ABAT: variants seen among roughly 807,000 people sequenced by gnomAD.
ABAT encodes 4-aminobutyrate aminotransferase, mitochondrial.
ABAT carries 45 observed loss-of-function variants against 64.6 expected under a neutral mutation model. The ratio of observed to expected loss-of-function variants is 0.70; its 90% CI spans 0.55 to 0.89. The LOEUF (loss-of-function observed/expected upper bound fraction) is 0.89, where lower values mean the gene tolerates loss of function less well. Ranked by LOEUF, ABAT falls within the 40% of genes least tolerant of loss-of-function variation. The pLI is 0.00. For synonymous variants in ABAT, 297 were observed against 250.5 expected (o/e 1.19, Z -1.75); for missense variants, 633 against 658.4 (o/e 0.96, Z 0.42).
chr16:8,711,735 G>GATGGATGT (rs2058077151), intron 1 of ABAT, among the ~76,000 whole-genome samples: 1 of 61,870 alleles, frequency 1.6e-5, no homozygotes, highest in Non-Finnish European at 3.5e-5. Context: ...AAGATGGATG[G>GATGGATGT]GTGGATGGAT....
chr16:8,686,045 A>G (rs765310848), intron 1 of ABAT, among the ~76,000 whole-genome samples: 1 of 152,206 alleles, frequency 6.6e-6, no homozygotes, highest in Non-Finnish European at 1.5e-5. Flanking sequence ...AGGTTTTAGA[A>G]CGTGGAAGCT....
At chr16:8,750,629 C>A in intron 5 of ABAT, 90 bp downstream of exon 5, 3 of 1,139,972 alleles carry the variant, frequency 2.6e-6, no homozygotes, top group Non-Finnish European at 4.0e-6. Flanking sequence ...TGGCTTCCAG[C>A]AGGCACATCC....
At position 8,781,544 on chromosome 16, in the gene ABAT, GGT is replaced by G. The variant is rs1212270610; in HGVS notation, c.*116_*117del. 44 of 1,477,590 alleles carry G rather than the reference GGT, an allele frequency of 3.0e-5. No individual in the cohort carries two copies. Among genetic ancestry groups the G allele is most frequent in the Non-Finnish European group, 1.9e-6 (2 of 1,074,106 alleles). 91.5% of individuals were successfully genotyped at this position (1,477,590 alleles called of 1,614,324 possible). On this transcript the variant is annotated 3_prime_UTR_variant, in exon 16 of 16. Transcript: ENST00000268251. The surrounding 1 kb of genome is among the most constrained non-coding windows in gnomAD (Gnocchi z 4.5). Reference sequence around the variant, plus strand: ...TATCAGAGGTGAATGCACAGTGAAGGGTGATTTGTGGGGAGGGAGCATTTTTG... The same window carrying G: ...TATCAGAGGTGAATGCACAGTGAAGGGATTTGTGGGGAGGGAGCATTTTTG...
chr16:8,685,677 A>C (rs2057438573), intron 1 of ABAT, among the ~76,000 whole-genome samples: 1 of 152,192 alleles, frequency 6.6e-6, no homozygotes, highest in African/African-American at 2.4e-5. Context: ...CCCTGTCTCA[A>C]AACAAAAACA....
At chr16:8,742,107 G>A (rs1016467234) in intron 2 of ABAT, among the ~76,000 whole-genome samples, 1 of 152,166 alleles carries the variant, frequency 6.6e-6, no homozygotes, top group Admixed American at 6.5e-5. Context: ...CCTGTCCTCA[G>A]CATTCCTGGC....
intron 1 of ABAT, among the ~76,000 whole-genome samples, chr16:8,722,610 T>C (rs575064629): frequency 1.8e-4 from 28 of 151,940 alleles, no homozygotes; most frequent in Admixed American, 9.2e-4. Context: ...ATGGGGGAGA[T>C]TGGGGGTCTC....
At chr16:8,689,252 G>C (rs759476544) in intron 1 of ABAT, among the ~76,000 whole-genome samples, 1 of 152,026 alleles carries the variant, frequency 6.6e-6, no homozygotes, top group African/African-American at 2.4e-5. Context: ...TAGTTCATTT[G>C]GCCCAGTATC....
intron 1 of ABAT, among the ~76,000 whole-genome samples, chr16:8,693,028 A>G (rs1056377828): frequency 6.6e-6 from 1 of 151,998 alleles, no homozygotes; most frequent in African/African-American, 2.4e-5. Flanking sequence ...TAATTTTTGT[A>G]TTTTTAGTAG....
intron 1 of ABAT, among the ~76,000 whole-genome samples, chr16:8,679,133 G>A (rs1423023453): frequency 6.6e-6 from 1 of 152,158 alleles, no homozygotes; most frequent in African/African-American, 2.4e-5. Context: ...GCAGTGAGTT[G>A]TGAGTGAGCC....
At chr16:8,745,559 T>C (rs540147678) in intron 2 of ABAT, among the ~76,000 whole-genome samples, 1 of 151,942 alleles carries the variant, frequency 6.6e-6, no homozygotes, top group East Asian at 1.9e-4. Flanking sequence ...TAGCCAGGCA[T>C]GGTGGTGCGT....
At chr16:8,736,289 A>C in intron 2 of ABAT, 1 of 203,946 alleles carries the variant, frequency 4.9e-6, no homozygotes, top group South Asian at 8.6e-5. Context: ...GAATGAGGAC[A>C]CAGCCAAACC....
At chr16:8,779,267 G>GT (rs2060360140) in intron 14 of ABAT, among the ~76,000 whole-genome samples, 1 of 133,570 alleles carries the variant, frequency 7.5e-6, no homozygotes, top group Middle Eastern at 4.5e-3. Flanking sequence ...TGGTGGTGGT[G>GT]GTTTTTTTCC....
At chr16:8,746,884 A>AGACAGCTCTGTTGG (rs2059348581) in intron 3 of ABAT, among the ~76,000 whole-genome samples, 3 of 152,116 alleles carry the variant, frequency 2.0e-5, no homozygotes, top group East Asian at 1.9e-4. Flanking sequence ...AGCTCTGTTG[A>AGACAGCTCTGTTGG]GCAGACAGCT....
chr16:8,735,819 G>A lies in ABAT; in HGVS notation c.70+10G>A, dbSNP rs553745013. 45 of 1,595,228 alleles carry A rather than the reference G, an allele frequency of 2.8e-5. No homozygotes were observed. Among genetic ancestry groups the A allele is most frequent in the South Asian group, 1.8e-4 (16 of 88,156 alleles). Reference sequence around the variant, plus strand: ...CGCCTGCTGGTGCCTGGTAAGCCCCGGGGGTCTTGATAAGAACTGGTACTA... The same window carrying A: ...CGCCTGCTGGTGCCTGGTAAGCCCCAGGGGTCTTGATAAGAACTGGTACTA... On this transcript the variant is annotated intron_variant, in intron 2 of 15. Coordinates refer to ENST00000268251, the MANE Select transcript of ABAT (RefSeq NM_020686.6).
intron 2 of ABAT, among the ~76,000 whole-genome samples, chr16:8,741,533 C>T (rs2059161354): frequency 6.6e-6 from 1 of 152,108 alleles, no homozygotes; most frequent in Admixed American, 6.5e-5. Flanking sequence ...ATGAGATAAG[C>T]CATGTAAATT....
chr16:8,737,226 C>T lies in ABAT; in HGVS notation c.70+1417C>T, dbSNP rs139648894. On this transcript the variant is annotated intron_variant, in intron 2 of 15. Coordinates refer to ENST00000268251, the MANE Select transcript of ABAT (RefSeq NM_020686.6). ...GGGCGCAGTGGCTCACAACTGTAAT[C>T]CCAGCACTTTGGGAGGCGAGGTGGG... The T allele has an allele frequency of 9.2e-3, 1,395 of 152,274 alleles. 15 individuals are homozygous for T. The highest frequency in any genetic ancestry group is 0.014 in the Middle Eastern group (4 of 294). 9.4% of individuals were successfully genotyped at this position (152,274 alleles called of 1,614,324 possible).
At chr16:8,681,457 A>AC (rs1433306397) in intron 1 of ABAT, among the ~76,000 whole-genome samples, 5 of 80,962 alleles carry the variant, frequency 6.2e-5, no homozygotes, top group Non-Finnish European at 1.3e-4. Flanking sequence ...CAGCCTCTAC[A>AC]CTTTTTTTTT....
rs747351820 is a variant in ABAT at position 8,781,236 on chromosome 16, C to T, written c.1382-73C>T. 3.2e-5 allele frequency: 51 copies of T among 1,608,954 alleles called. No individual in the cohort carries two copies. In the African/African-American group the frequency reaches 4.0e-4, roughly 13 times the overall value. On this transcript the variant is annotated intron_variant, in intron 15 of 15. Coordinates refer to ENST00000268251, the MANE Select transcript of ABAT (RefSeq NM_020686.6). This position sits in a 1 kb window ranked among gnomAD's most constrained non-coding sequence, Gnocchi z 4.5. ...ATGGATGAGCGTTGCCAACAGGCAT[C>T]ACTTTCCCCCCAGCTCTCCCAGCAT...
chr16:8,690,317 G>A (rs1231020233), intron 1 of ABAT, among the ~76,000 whole-genome samples: 1 of 152,160 alleles, frequency 6.6e-6, no homozygotes, highest in East Asian at 1.9e-4. Flanking sequence ...AACTTGAACT[G>A]TTTCTCCTCA....
Sources: gnomAD v4.1 joint callset for allele counts (sites outside exome capture counted in the v4.1 genomes callset) on GRCh38, gnomAD v4.1.1 for gene constraint, Gnocchi (gnomAD v3.1) non-coding constraint, MANE v1.5 for transcripts, NCBI Gene and HGNC (gene_info 2026-07-23, HGNC 2026-07-21) for gene names.